The following RAB6A variants were observed in gnomAD, a reference collection of about 807,000 sequenced individuals.
The protein encoded by RAB6A is ras-related protein Rab-6A.
Under a neutral mutation model 32.3 loss-of-function variants are expected in RAB6A, and 8 were observed. The observed-to-expected ratio is 0.25, with a 90% CI of 0.15 to 0.45. The LOEUF is 0.45. Among genes scored for constraint, RAB6A ranks in the 20% least tolerant of loss-of-function variants. The probability of loss-of-function intolerance (pLI) is 1.00; values close to 1 mark genes in which losing one functional copy is unlikely to be tolerated. For synonymous variants in RAB6A, 73 were observed against 82.1 expected, an observed-to-expected ratio of 0.89 and a Z score of 0.60; for missense variants, 104 against 249.4, an observed-to-expected ratio of 0.42 and a Z score of 3.93.
At position 73,760,708 on chromosome 11, in the gene RAB6A, G is replaced by A; in HGVS notation, c.-73C>T. On this transcript the variant is annotated 5_prime_UTR_variant, in exon 1 of 8. Transcript: ENST00000336083. ...ACCGATGCTGCTCCAGCCAGCTGAC[G>A]AAAAAGGCGAGCGGAAGGGCGGGCA... 3 of 1,548,362 alleles carry A rather than the reference G, an allele frequency of 1.9e-6. No individual in the cohort carries two copies. Among genetic ancestry groups the A allele is most frequent in the Non-Finnish European group, 2.6e-6 (3 of 1,143,930 alleles).
intron 6 of RAB6A, among the ~76,000 whole-genome samples, chr11:73,693,761 G>T (rs1945614113): frequency 6.6e-6 from 1 of 151,666 alleles, no homozygotes; most frequent in South Asian, 2.1e-4. Context: ...GACGCCTGTA[G>T]TCCCTACTTG....
At chr11:73,680,850 T>C (rs1945345272) in intron 6 of RAB6A, among the ~76,000 whole-genome samples, 1 of 152,122 alleles carries the variant, frequency 6.6e-6, no homozygotes, top group Admixed American at 6.5e-5. Flanking sequence ...TGGCTTGTGT[T>C]TGAGGTATGA....
chr11:73,697,787 TATAAC>T (rs1270751339), intron 6 of RAB6A, among the ~76,000 whole-genome samples: 1 of 152,240 alleles, frequency 6.6e-6, no homozygotes, highest in Non-Finnish European at 1.5e-5. Context: ...CCCCAGTGCC[TATAAC>T]ATAACTAGGC....
At chr11:73,728,765 T>C (rs1785559207) in intron 2 of RAB6A, among the ~76,000 whole-genome samples, 1 of 151,980 alleles carries the variant, frequency 6.6e-6, no homozygotes, top group Non-Finnish European at 1.5e-5. Context: ...TGTAGTTTAA[T>C]TTTGATATCT....
intron 5 of RAB6A, among the ~76,000 whole-genome samples, chr11:73,711,051 C>A (rs1945950626): frequency 6.6e-6 from 1 of 152,188 alleles, no homozygotes; most frequent in Admixed American, 6.5e-5. Flanking sequence ...GGCATAGATG[C>A]AGAGGAGCAC....
intron 6 of RAB6A, among the ~76,000 whole-genome samples, chr11:73,680,215 T>A (rs907798287): frequency 6.6e-6 from 1 of 152,182 alleles, no homozygotes; most frequent in Non-Finnish European, 1.5e-5. Flanking sequence ...CCTGTTTTTT[T>A]AACTGGTGGG....
intron 2 of RAB6A, among the ~76,000 whole-genome samples, chr11:73,726,581 C>CAAAA (rs60281561): frequency 0.035 from 1,053 of 29,870 alleles, 334 homozygotes; most frequent in African/African-American, 0.14. Context: ...GACTCTGTCT[C>CAAAA]AAAAAAAAAA....
At chr11:73,681,788 G>A (rs377589899) in intron 6 of RAB6A, among the ~76,000 whole-genome samples, 3 of 152,112 alleles carry the variant, frequency 2.0e-5, no homozygotes, top group Non-Finnish European at 2.9e-5. Flanking sequence ...CAGCCTGGGC[G>A]ACAGAGCAAG....
At chr11:73,694,194 C>T (rs1945621283) in intron 6 of RAB6A, among the ~76,000 whole-genome samples, 1 of 152,110 alleles carries the variant, frequency 6.6e-6, no homozygotes, top group African/African-American at 2.4e-5. Context: ...AGAACCAATG[C>T]TGTAGTAACA....
At chr11:73,726,688 T>A (rs745924289) in intron 2 of RAB6A, among the ~76,000 whole-genome samples, 1 of 146,310 alleles carries the variant, frequency 6.8e-6, no homozygotes, top group Non-Finnish European at 1.5e-5. Context: ...GGATGGAGGC[T>A]GCAGTGAGTC....
chr11:73,737,548 A>G (rs2134986118), intron 1 of RAB6A, among the ~76,000 whole-genome samples: 1 of 152,336 alleles, frequency 6.6e-6, no homozygotes, highest in South Asian at 2.1e-4. Context: ...AGCACTACCC[A>G]TAAGAGCCAA....
rs114296691 is a variant in RAB6A, at chr11:73,691,943, G to A, written c.496-12223C>T. 5.4e-3 allele frequency among the ~76,000 whole-genome samples: 818 copies of A among 152,046 alleles called. 7 individuals carry two copies. The highest frequency in any genetic ancestry group is 0.018 in the African/African-American group (739 of 41,478). On this transcript the variant is annotated intron_variant, in intron 6 of 7. Transcript: ENST00000336083. ...AGCCGAGATCACATCACTGCACTCC[G>A]GCCTGGGTGACAAGAGCAAAACTCT...
In RAB6A at chr11:73,720,780, T is replaced by A. The variant is rs904799614; in HGVS notation, c.183+66A>T. ...TACTTCTTATGGTGACAATCATTGA[T>A]AACTTTGATTGCAGTTTTCTAACCT... On this transcript the variant is annotated intron_variant, in intron 3 of 7. Transcript: ENST00000336083. 2.1e-5 allele frequency: 25 copies of A among 1,210,880 alleles called. No homozygotes were observed. The African/African-American group carries it at 3.8e-4, about 18-fold the overall frequency. 75.0% of individuals were successfully genotyped at this position (1,210,880 alleles called of 1,614,324 possible).
At chr11:73,747,347 C>T (rs1418118438) in intron 1 of RAB6A, among the ~76,000 whole-genome samples, 3 of 152,036 alleles carry the variant, frequency 2.0e-5, no homozygotes, top group South Asian at 2.1e-4. Flanking sequence ...GGATTACAGG[C>T]GCCCACCAGC....
intron 6 of RAB6A, among the ~76,000 whole-genome samples, chr11:73,695,525 G>A (rs571073066): frequency 3.3e-5 from 5 of 152,202 alleles, no homozygotes; most frequent in South Asian, 2.1e-4. Context: ...GATTACAGGC[G>A]CGTGACACCA....
chr11:73,680,535 C>T (rs192093818), intron 6 of RAB6A, among the ~76,000 whole-genome samples: 5 of 152,112 alleles, frequency 3.3e-5, no homozygotes, highest in Non-Finnish European at 7.4e-5. Context: ...GCCTGTAATC[C>T]CAGCTACTTG....
At chr11:73,720,455 T>G (rs914336805) in intron 3 of RAB6A, among the ~76,000 whole-genome samples, 1 of 152,176 alleles carries the variant, frequency 6.6e-6, no homozygotes, top group Non-Finnish European at 1.5e-5. Context: ...GTGCTGGGAT[T>G]ACAGGTGTGA....
At chr11:73,733,927 C>T (rs1418804528) in intron 1 of RAB6A, among the ~76,000 whole-genome samples, 2 of 152,124 alleles carry the variant, frequency 1.3e-5, no homozygotes, top group Admixed American at 6.6e-5. Context: ...GTGCCCTTTA[C>T]TGGATGTTAT....
chr11:73,718,949 A>C, intron 3 of RAB6A: 1 of 1,451,194 alleles, frequency 6.9e-7, no homozygotes, highest in Non-Finnish European at 9.4e-7. Flanking sequence ...TAAAAAGAAA[A>C]AAGAAACAAT....
Sources: gnomAD v4.1 joint callset for allele counts (sites outside exome capture counted in the v4.1 genomes callset) on GRCh38, gnomAD v4.1.1 for gene constraint, MANE v1.5 for transcripts, NCBI Gene and HGNC (gene_info 2026-07-23, HGNC 2026-07-21) for gene names.